Variants in PTPN22 observed in about 807,000 individuals in gnomAD.
The protein encoded by PTPN22 is protein tyrosine phosphatase non-receptor type 22.
A neutral mutation model predicts 103.3 loss-of-function variants in PTPN22; 85 were observed. The observed-to-expected ratio is 0.82, with a 90% CI of 0.69 to 0.99. The LOEUF (loss-of-function observed/expected upper bound fraction) is 0.99. Among genes scored for constraint, PTPN22 ranks in the 50% least tolerant of loss-of-function variants. The probability of loss-of-function intolerance (pLI) is 0.00; values close to 1 mark genes in which losing one functional copy is unlikely to be tolerated. For missense variants in PTPN22, 865 were observed against 936.9 expected, an observed-to-expected ratio of 0.92 and a Z score of 1.00; for synonymous variants, 323 against 310.2, an observed-to-expected ratio of 1.04 and a Z score of -0.43.
At chr1:113,856,714 C>T (rs1013593541) in intron 5 of PTPN22, 95 bp from the exon 6 acceptor site, 2 of 1,558,772 alleles carry the variant, frequency 1.3e-6, no homozygotes, top group Non-Finnish European at 8.8e-7. Context: ...ATGTCCTTCA[C>T]CTTAGGTTAG....
At chr1:113,838,960 G>A (rs1271943432) in intron 11 of PTPN22, among the ~76,000 whole-genome samples, 4 of 152,028 alleles carry the variant, frequency 2.6e-5, no homozygotes, top group Admixed American at 2.6e-4. Context: ...CCCTTTACAG[G>A]TACTTATTAG....
At chr1:113,814,882 A>G in exon 21 of PTPN22, 1 of 1,544,194 alleles carries the variant, frequency 6.5e-7, no homozygotes, top group Non-Finnish European at 8.9e-7. Context: ...TGCAGCCCAT[A>G]TTATTATAAA....
At chr1:113,850,416 T>C (rs1216637783) in intron 10 of PTPN22, among the ~76,000 whole-genome samples, 1 of 152,240 alleles carries the variant, frequency 6.6e-6, no homozygotes, top group Non-Finnish European at 1.5e-5. Context: ...GTGAAGGCTT[T>C]TTCAGCGTCT....
intron 7 of PTPN22, among the ~76,000 whole-genome samples, chr1:113,856,014 CT>C (rs950966510): frequency 1.3e-5 from 2 of 152,086 alleles, no homozygotes; most frequent in Admixed American, 6.6e-5. Context: ...ATGGTCTCTT[CT>C]TTTTTTCTTC....
intron 19 of PTPN22, among the ~76,000 whole-genome samples, chr1:113,822,866 G>A (rs1197494410): frequency 6.6e-6 from 1 of 152,190 alleles, no homozygotes. Flanking sequence ...GGCTGAGGCA[G>A]GAGAATCACT....
At chr1:113,829,676 A>G in exon 18 of PTPN22, 1 of 1,605,074 alleles carries the variant, frequency 6.2e-7, no homozygotes, top group South Asian at 1.1e-5. Context: ...GATAGCTAGT[A>G]GAATATGTTT....
chr1:113,856,355 A>G, intron 7 of PTPN22, 27 bp downstream of exon 7: 3 of 1,539,914 alleles, frequency 1.9e-6, no homozygotes, highest in Non-Finnish European at 2.6e-6. Context: ...TAGGCTTTTG[A>G]GTTTATCATT....
chr1:113,813,900 A>G (rs912690773), exon 21 of PTPN22: 1 of 152,330 alleles, frequency 6.6e-6, no homozygotes, highest in African/African-American at 2.4e-5. Context: ...AATTTGCCCT[A>G]TTGGACTTCC....
rs138223016 is a variant in PTPN22, at chr1:113,834,988, C to A, written c.1816G>T (p.Ala606Ser). The A allele has an allele frequency of 2.8e-4, 428 of 1,539,994 alleles. 1 individual carries two copies. The highest frequency in any genetic ancestry group is 2.9e-4 in the Non-Finnish European group (336 of 1,147,060). The change falls in exon 14 of 21, where the codon GCT becomes TCT. Residue 606 changes from alanine (A) to serine (S), a missense_variant. Around this residue, in one of 3 missense-constraint regions of PTPN22, gnomAD observed 401 missense variants for 388.6 expected, o/e 1.03. Coordinates refer to ENST00000359785, the Ensembl canonical transcript of PTPN22. ...GGGATTTCATCATCTATCCTTGGAG[C>A]AGTTGCTATCCAAAATGTCAAAAAT... is the stretch of plus-strand genomic sequence containing the variant.
intron 10 of PTPN22, among the ~76,000 whole-genome samples, chr1:113,849,047 A>G (rs1285404835): frequency 1.3e-5 from 2 of 152,148 alleles, no homozygotes; most frequent in Non-Finnish European, 2.9e-5. Flanking sequence ...GTTGGTATAT[A>G]GATAGATAAC....
chr1:113,817,163 C>T (rs1558012167), intron 20 of PTPN22, among the ~76,000 whole-genome samples: 1 of 152,132 alleles, frequency 6.6e-6, no homozygotes, highest in Non-Finnish European at 1.5e-5. Context: ...ATCATCCTGT[C>T]AGTACAGATC....
chr1:113,822,684 G>A (rs546572586), intron 19 of PTPN22, among the ~76,000 whole-genome samples: 4 of 152,052 alleles, frequency 2.6e-5, no homozygotes, highest in African/African-American at 4.8e-5. Flanking sequence ...TTCTTGGGCC[G>A]GGCACAGTGG....
chr1:113,869,498 G>A lies in PTPN22; in HGVS notation c.87+2039C>T, dbSNP rs528917303. Among the ~76,000 whole-genome samples, 127 of 151,744 alleles carry A rather than the reference G, an allele frequency of 8.4e-4. 1 individual carries two copies. The highest frequency in any genetic ancestry group is 1.2e-3 in the Non-Finnish European group (82 of 67,960). ...CAACCTCTGCCTCCCGAGTTTAAGCGATTCTCCTGTGTCAACCTCTTGAGT... is the reference window on the plus strand; with the variant it reads ...CAACCTCTGCCTCCCGAGTTTAAGCAATTCTCCTGTGTCAACCTCTTGAGT... On this transcript the variant is annotated intron_variant, in intron 1 of 20. Coordinates refer to ENST00000359785, the Ensembl canonical transcript of PTPN22.
chr1:113,821,565 G>A (rs1223967233), intron 19 of PTPN22, among the ~76,000 whole-genome samples: 1 of 152,114 alleles, frequency 6.6e-6, no homozygotes, highest in Non-Finnish European at 1.5e-5. Flanking sequence ...CTCGTGATCT[G>A]CCTGCCTTGG....
At chr1:113,858,370 A>G (rs767709223) in intron 4 of PTPN22, 108 bp downstream of exon 4, 43 of 713,776 alleles carry the variant, frequency 6.0e-5, no homozygotes, top group Non-Finnish European at 9.0e-5. Context: ...TGGCATTGTG[A>G]TTCTGACTAA....
chr1:113,849,288 T>G (rs1250798338), intron 10 of PTPN22, among the ~76,000 whole-genome samples: 1 of 152,230 alleles, frequency 6.6e-6, no homozygotes, highest in Non-Finnish European at 1.5e-5. Context: ...GTTTTGAAAT[T>G]TGTGGTTACA....
At chr1:113,833,901 C>G (rs1442629556) in intron 15 of PTPN22, among the ~76,000 whole-genome samples, 1 of 152,196 alleles carries the variant, frequency 6.6e-6, no homozygotes, top group Non-Finnish European at 1.5e-5. Flanking sequence ...AGTGAACAAG[C>G]TTCCTACTTA....
At chr1:113,866,025 G>A (rs536834168) in intron 1 of PTPN22, among the ~76,000 whole-genome samples, 1 of 152,254 alleles carries the variant, frequency 6.6e-6, no homozygotes, top group South Asian at 2.1e-4. Flanking sequence ...TTGAAATTCA[G>A]TTCCACCACT....
intron 10 of PTPN22, among the ~76,000 whole-genome samples, chr1:113,850,560 T>A (rs1664493069): frequency 6.6e-6 from 1 of 152,252 alleles, no homozygotes; most frequent in Admixed American, 6.5e-5. Flanking sequence ...GGATCAGCCT[T>A]CTTTCAAGTC....
Sources: gnomAD v4.1 joint callset for allele counts (sites outside exome capture counted in the v4.1 genomes callset) on GRCh38, gnomAD v4.1.1 for gene constraint, gnomAD v4.1.1 regional missense constraint, MANE v1.5 for transcripts, NCBI Gene and HGNC (gene_info 2026-07-23, HGNC 2026-07-21) for gene names.